Variants in PCDH15 observed in about 807,000 individuals in gnomAD.
PCDH15 encodes protocadherin-15.
In PCDH15, 129 loss-of-function variants were observed where a neutral mutation model predicts 178.5. That is an observed-to-expected ratio of 0.72 (90% CI 0.63 to 0.84). PCDH15 has a LOEUF of 0.84. Among genes scored for constraint, PCDH15 ranks in the 40% least tolerant of loss-of-function variants. The pLI is 0.00. For synonymous variants in PCDH15, 800 were observed against 732.0 expected, an observed-to-expected ratio of 1.09 and a Z score of -1.50; for missense variants, 2,230 against 2,099.9, an observed-to-expected ratio of 1.06 and a Z score of -1.21.
chr10:54,620,156 C>T (rs972603385), intron 2 of PCDH15, among the ~76,000 whole-genome samples: 1 of 151,980 alleles, frequency 6.6e-6, no homozygotes, highest in Admixed American at 6.6e-5. Flanking sequence ...TAAAGATTTA[C>T]TTTGTTCTTT....
At chr10:53,942,098 G>A (rs1188904565) in intron 23 of PCDH15, among the ~76,000 whole-genome samples, 1 of 152,052 alleles carries the variant, frequency 6.6e-6, no homozygotes, top group Non-Finnish European at 1.5e-5. Flanking sequence ...TAATTGACTA[G>A]GTTATCTAAA....
chr10:53,929,554 T>C (rs1046047401), intron 25 of PCDH15, among the ~76,000 whole-genome samples: 3 of 152,188 alleles, frequency 2.0e-5, no homozygotes, highest in African/African-American at 7.2e-5. Flanking sequence ...TACAATATTG[T>C]TACCCAAGTT....
At chr10:54,212,758 T>C (rs1364943637) in intron 10 of PCDH15, among the ~76,000 whole-genome samples, 2 of 152,280 alleles carry the variant, frequency 1.3e-5, no homozygotes. Context: ...TAAGGACATA[T>C]CTATTAATTG....
At chr10:54,977,045 G>A (rs1839089503) in intron 2 of PCDH15, among the ~76,000 whole-genome samples, 1 of 152,130 alleles carries the variant, frequency 6.6e-6, no homozygotes, top group Non-Finnish European at 1.5e-5. Context: ...TGACCATAAA[G>A]AACAATGATT....
At chr10:53,856,903 A>G (rs915196486) in intron 28 of PCDH15, among the ~76,000 whole-genome samples, 2 of 152,142 alleles carry the variant, frequency 1.3e-5, no homozygotes, top group Non-Finnish European at 2.9e-5. Flanking sequence ...AACAATGGGT[A>G]CATGCAGACA....
chr10:54,694,498 G>C (rs1044239572), intron 1 of PCDH15, among the ~76,000 whole-genome samples: 1 of 151,920 alleles, frequency 6.6e-6, no homozygotes, highest in Admixed American at 6.6e-5. Context: ...TTGAAGTTTT[G>C]TGGCAACCTG....
At chr10:54,843,141 C>G (rs1953447582) in intron 3 of PCDH15, among the ~76,000 whole-genome samples, 1 of 151,864 alleles carries the variant, frequency 6.6e-6, no homozygotes, top group Non-Finnish European at 1.5e-5. Flanking sequence ...CCTTAAAAGT[C>G]AATCTTAATA....
chr10:54,870,391 C>A (rs932641765), intron 3 of PCDH15, among the ~76,000 whole-genome samples: 2 of 152,130 alleles, frequency 1.3e-5, no homozygotes, highest in African/African-American at 4.8e-5. Context: ...AAATAGGGAG[C>A]AGCAAGAGTC....
intron 1 of PCDH15, among the ~76,000 whole-genome samples, chr10:54,672,615 T>C (rs2094696225): frequency 2.0e-5 from 3 of 152,304 alleles, no homozygotes; most frequent in South Asian, 2.1e-4. Flanking sequence ...CCCTCAGTCA[T>C]ATAACCAAAA....
At chr10:54,125,512 G>T (rs183791739) in intron 15 of PCDH15, among the ~76,000 whole-genome samples, 1 of 152,270 alleles carries the variant, frequency 6.6e-6, no homozygotes, top group East Asian at 1.9e-4. Context: ...CACCTTATAG[G>T]TAGATGTACT....
chr10:55,396,572 G>A (rs568962857), intron 2 of PCDH15, among the ~76,000 whole-genome samples: 25 of 152,062 alleles, frequency 1.6e-4, no homozygotes, highest in African/African-American at 5.8e-4. Context: ...CAATAGAAAA[G>A]CCAAGCAAGA....
chr10:55,157,256 T>C (rs1386358364), intron 2 of PCDH15, among the ~76,000 whole-genome samples: 1 of 151,652 alleles, frequency 6.6e-6, no homozygotes, highest in Non-Finnish European at 1.5e-5. Context: ...CACAATGAGA[T>C]ACCATCTCAC....
intron 5 of PCDH15, among the ~76,000 whole-genome samples, chr10:54,348,389 G>T (rs574777757): frequency 1.3e-5 from 2 of 152,270 alleles, no homozygotes; most frequent in South Asian, 2.1e-4. Flanking sequence ...TAGTACCTAT[G>T]AGGACATCGA....
chr10:54,134,893 A>G (rs1232225439), intron 14 of PCDH15, among the ~76,000 whole-genome samples: 1 of 152,054 alleles, frequency 6.6e-6, no homozygotes, highest in African/African-American at 2.4e-5. Flanking sequence ...AATAGTAAGC[A>G]TAAAAGCTAC....
chr10:54,299,480 C>T (rs1413568995), intron 8 of PCDH15, among the ~76,000 whole-genome samples: 1 of 152,200 alleles, frequency 6.6e-6, no homozygotes, highest in African/African-American at 2.4e-5. Flanking sequence ...CTCTGTAACC[C>T]TATAACACTC....
intron 21 of PCDH15, among the ~76,000 whole-genome samples, chr10:53,992,068 C>G (rs766710877): frequency 6.6e-6 from 1 of 151,826 alleles, no homozygotes; most frequent in Non-Finnish European, 1.5e-5. Flanking sequence ...ACACTTGCTG[C>G]GAAGGTCTGC....
At chr10:55,597,827 G>T (rs763179060) in intron 2 of PCDH15, among the ~76,000 whole-genome samples, 81 of 152,020 alleles carry the variant, frequency 5.3e-4, no homozygotes, top group Non-Finnish European at 9.7e-4. Flanking sequence ...AGTTAATGTA[G>T]CTTAATTATT....
At chr10:54,690,378 C>T (rs1281225332) in intron 1 of PCDH15, among the ~76,000 whole-genome samples, 1 of 150,006 alleles carries the variant, frequency 6.7e-6, no homozygotes, top group East Asian at 2.0e-4. Context: ...GCAGTGGCAC[C>T]ATCTCGGCTC....
At chr10:55,044,763 A>G (rs1037332628) in intron 2 of PCDH15, among the ~76,000 whole-genome samples, 49 of 152,080 alleles carry the variant, frequency 3.2e-4, no homozygotes, top group Non-Finnish European at 5.9e-4. Context: ...CCAACATTTT[A>G]TTTTATCACT....
Sources: gnomAD v4.1 joint callset for allele counts (sites outside exome capture counted in the v4.1 genomes callset) on GRCh38, gnomAD v4.1.1 for gene constraint, MANE v1.5 for transcripts, NCBI Gene and HGNC (gene_info 2026-07-23, HGNC 2026-07-21) for gene names.